PHC3: variants seen among roughly 807,000 people sequenced by gnomAD.
PHC3 encodes the protein polyhomeotic homolog 3, also known as polyhomeotic-like protein 3.
In PHC3, 13 loss-of-function variants were observed where a neutral mutation model predicts 107.4. The observed-to-expected ratio is 0.12, with a 90% CI of 0.08 to 0.19. The LOEUF (loss-of-function observed/expected upper bound fraction) is 0.19, where lower values mean the gene tolerates loss of function less well. PHC3 is among the 10% of genes least tolerant of loss of function. The pLI, the probability that PHC3 is intolerant of heterozygous loss-of-function variation, is 1.00. For synonymous variants in PHC3, 456 were observed against 427.4 expected (o/e 1.07, Z -0.83); for missense variants, 992 against 1,210.9 (o/e 0.82, Z 2.68).
At chr3:170,114,731 C>T (rs1245773889) in intron 10 of PHC3, among the ~76,000 whole-genome samples, 1 of 152,052 alleles carries the variant, frequency 6.6e-6, no homozygotes, top group Non-Finnish European at 1.5e-5. Flanking sequence ...ACTGGTGAGC[C>T]CTCAGCTAAT....
chr3:170,121,537 C>CA (rs1394944230), intron 9 of PHC3, among the ~76,000 whole-genome samples: 1 of 151,966 alleles, frequency 6.6e-6, no homozygotes, highest in East Asian at 1.9e-4. Flanking sequence ...AGCACAAGAA[C>CA]TTTTTTTTAA....
chr3:170,120,994 C>T lies in PHC3; in HGVS notation c.1942+1597G>A, dbSNP rs530420999. Among the ~76,000 whole-genome samples, 3 of 152,304 alleles carry T rather than the reference C, an allele frequency of 2.0e-5. No homozygotes were observed. In the East Asian group the frequency reaches 5.8e-4, roughly 29 times the overall value. Reference sequence around the variant, plus strand: ...TGGCTGTAGAGTTTCTATGGCTATTCAACTCTGTGGTTAGTAAAAAGCAGC... The same window carrying T: ...TGGCTGTAGAGTTTCTATGGCTATTTAACTCTGTGGTTAGTAAAAAGCAGC... On this transcript the variant is annotated intron_variant, in intron 9 of 14. Transcript: ENST00000495893.
At chr3:170,166,217 G>C (rs1296769785) in intron 4 of PHC3, among the ~76,000 whole-genome samples, 1 of 151,658 alleles carries the variant, frequency 6.6e-6, no homozygotes, top group Non-Finnish European at 1.5e-5. Flanking sequence ...GCTTATTTTT[G>C]ATTTTTAATA....
chr3:170,129,783 T>TCCA (rs1721946057), intron 7 of PHC3, among the ~76,000 whole-genome samples: 2 of 151,954 alleles, frequency 1.3e-5, no homozygotes, highest in African/African-American at 2.4e-5. Flanking sequence ...CACTGCAACC[T>TCCA]CCACCTCCCT....
intron 12 of PHC3, among the ~76,000 whole-genome samples, chr3:170,103,433 A>C (rs772716380): frequency 1.3e-5 from 2 of 152,248 alleles, no homozygotes; most frequent in Non-Finnish European, 2.9e-5. Flanking sequence ...AAATCAAAGA[A>C]TGAAAATGTA....
Position 170,178,871 on chromosome 3 carries a change from T to C in PHC3, c.82A>G (p.Thr28Ala), listed in dbSNP as rs762486833. ...ATGGTGGTGGTGGTGGTACTGCTGG[T>C]TGTTGTTGACACAGAAGATGTTCCC... ...NPGTSSVSTT[T>A]SSTTTTTITT... The change falls in exon 2 of 15, where the codon ACC (threonine) becomes GCC (alanine). Residue 28 changes from threonine to alanine, a missense_variant. Transcript: ENST00000495893. 6.2e-7 allele frequency: 1 copy of C among 1,613,936 alleles called. No homozygotes were observed. Among genetic ancestry groups the C allele is most frequent in the South Asian group, 1.1e-5 (1 of 91,072 alleles).
chr3:170,155,547 C>A (rs1467707334), intron 4 of PHC3, among the ~76,000 whole-genome samples: 1 of 152,044 alleles, frequency 6.6e-6, no homozygotes, highest in Non-Finnish European at 1.5e-5. Context: ...ATGGTGAAAC[C>A]CTGTATCTAC....
Position 170,178,896 on chromosome 3 carries a change from C to T in PHC3, c.57G>A (p.Pro19=), listed in dbSNP as rs16854873. 3.1e-3 allele frequency: 5,016 copies of T among 1,613,800 alleles called. 120 individuals are homozygous for T. In the African/African-American group the frequency reaches 0.057, roughly 18 times the overall value. Residue 19 remains proline, a synonymous_variant, in exon 2 of 15, where the codon CCG becomes CCA. Transcript: ENST00000495893. ...TTGTTGTTGACACAGAAGATGTTCC[C>T]GGGTTTGGTTCAGTATCCATAGCTG... is the stretch of plus-strand genomic sequence containing the variant. ...HSTAMDTEPN[P]GTSSVSTTTS... is the part of the protein sequence containing the mutation.
intron 4 of PHC3, among the ~76,000 whole-genome samples, chr3:170,154,790 A>G (rs1726625314): frequency 6.6e-6 from 1 of 152,218 alleles, no homozygotes; most frequent in Non-Finnish European, 1.5e-5. Context: ...CATGAAGGCC[A>G]ACAGATCAGT....
At chr3:170,101,002 T>A (rs1016411067) in intron 14 of PHC3, among the ~76,000 whole-genome samples, 1 of 152,180 alleles carries the variant, frequency 6.6e-6, no homozygotes, top group Non-Finnish European at 1.5e-5. Context: ...GGTATCCACA[T>A]AGACTCCAAA....
intron 7 of PHC3, among the ~76,000 whole-genome samples, chr3:170,134,369 T>C (rs1722729540): frequency 6.6e-6 from 1 of 152,024 alleles, no homozygotes; most frequent in Admixed American, 6.6e-5. Context: ...TTTGTATTTT[T>C]AGTAGAGACG....
chr3:170,113,352 CCA>C lies in PHC3; in HGVS notation c.2353+6_2353+7del, dbSNP rs777913498. 11 of 1,596,334 alleles carry C rather than the reference CCA, an allele frequency of 6.9e-6. No homozygotes were observed. The African/African-American group carries it at 1.3e-4, about 20-fold the overall frequency. On this transcript the variant is annotated splice_donor_region_variant and intron_variant, in intron 11 of 14. Transcript: ENST00000495893. Reference sequence around the variant, plus strand: ...AATTAAAGGGTATCTTAAGTGAAACCCACAAACCTTCAGCAATCATGTCTTCC... The same window carrying C: ...AATTAAAGGGTATCTTAAGTGAAACCCAAACCTTCAGCAATCATGTCTTCC...
rs770115521 is a variant in PHC3 at position 170,129,479 on chromosome 3, T to C, written c.993A>G (p.Lys331=). 10 of 1,613,828 alleles carry C rather than the reference T, an allele frequency of 6.2e-6. No homozygotes were observed. Among genetic ancestry groups the C allele is most frequent in the Admixed American group, 3.3e-5 (2 of 60,000 alleles). ...GTAATATCAGCTGATGATGGGAAACTTTGGAAGGTGGTGAATGAAGAGGAA... is the reference window on the plus strand; with the variant it reads ...GTAATATCAGCTGATGATGGGAAACCTTGGAAGGTGGTGAATGAAGAGGAA... The part of the protein sequence containing the change: ...QQIPLHSPPS[K]VSHHQLILQQ... Residue 331 remains lysine, a synonymous_variant, in exon 8 of 15, where the codon AAA becomes AAG. Coordinates refer to ENST00000495893, the MANE Select transcript of PHC3 (RefSeq NM_024947.4).
chr3:170,176,831 T>C, intron 2 of PHC3: 1 of 441,286 alleles, frequency 2.3e-6, no homozygotes, highest in Non-Finnish European at 4.5e-6. Context: ...CTTCATTTAA[T>C]CCTCAGAGTA....
chr3:170,134,510 T>C (rs1013026150), intron 7 of PHC3, among the ~76,000 whole-genome samples: 1 of 152,060 alleles, frequency 6.6e-6, no homozygotes, highest in African/African-American at 2.4e-5. Context: ...TATTAATTTA[T>C]ACATTATATC....
At chr3:170,134,259 G>A (rs768707254) in intron 7 of PHC3, among the ~76,000 whole-genome samples, 9 of 151,928 alleles carry the variant, frequency 5.9e-5, no homozygotes, top group South Asian at 2.1e-4. Context: ...GGGCGATTCC[G>A]GCTCACTGTA....
At position 170,120,730 on chromosome 3, in the gene PHC3, G is replaced by GAGAGAAAAGAAGGGAAGGGGATATGGC. The variant is rs372419011; in HGVS notation, c.1942+1834_1942+1860dup. Among the ~76,000 whole-genome samples, 181 of 152,276 alleles carry GAGAGAAAAGAAGGGAAGGGGATATGGC rather than the reference G, an allele frequency of 1.2e-3. 2 individuals are homozygous for GAGAGAAAAGAAGGGAAGGGGATATGGC. Among genetic ancestry groups the GAGAGAAAAGAAGGGAAGGGGATATGGC allele is most frequent in the African/African-American group, 4.2e-3 (173 of 41,552 alleles). ...AATAGTAGTGAGGGAATAGAAGCTC[G>GAGAGAAAAGAAGGGAAGGGGATATGGC]AGAGAAAAGAAGGGAAGGGGATATG... On this transcript the variant is annotated intron_variant, in intron 9 of 14. Coordinates refer to ENST00000495893, the MANE Select transcript of PHC3 (RefSeq NM_024947.4).
intron 8 of PHC3, among the ~76,000 whole-genome samples, chr3:170,125,740 C>T (rs566951411): frequency 6.6e-6 from 1 of 151,960 alleles, no homozygotes. Flanking sequence ...CATATAAAGG[C>T]GAAATAAGTG....
chr3:170,176,885 G>A (rs1240068063), intron 2 of PHC3: 1 of 453,542 alleles, frequency 2.2e-6, no homozygotes, highest in Non-Finnish European at 4.4e-6. Flanking sequence ...GTTTTCTGAG[G>A]CTCAAGGGGA....
Sources: gnomAD v4.1 joint callset for allele counts (sites outside exome capture counted in the v4.1 genomes callset) on GRCh38, gnomAD v4.1.1 for gene constraint, MANE v1.5 for transcripts, NCBI Gene and HGNC (gene_info 2026-07-23, HGNC 2026-07-21) for gene names.